The following SOBP variants were observed in gnomAD, a reference collection of about 807,000 sequenced individuals.
SOBP encodes sine oculis-binding protein homolog.
SOBP carries 4 observed loss-of-function variants against 53.6 expected under a neutral mutation model. The ratio of observed to expected loss-of-function variants is 0.07; its 90% CI spans 0.04 to 0.17. SOBP has a LOEUF of 0.17. Among genes scored for constraint, SOBP ranks in the 10% least tolerant of loss-of-function variants. SOBP has a pLI of 1.00. For missense variants in SOBP, 1,088 were observed against 1,204.7 expected (o/e 0.90, Z 1.43); for synonymous variants, 584 against 522.6 (o/e 1.12, Z -1.60).
intron 5 of SOBP, among the ~76,000 whole-genome samples, chr6:107,624,154 TG>T (rs1397521401): frequency 6.6e-6 from 1 of 152,224 alleles, no homozygotes; most frequent in African/African-American, 2.4e-5. Flanking sequence ...CAGTGGGACT[TG>T]ACTGCTGAAA....
intron 4 of SOBP, among the ~76,000 whole-genome samples, chr6:107,572,259 G>A (rs1032684355): frequency 1.3e-5 from 2 of 150,916 alleles, no homozygotes; most frequent in Non-Finnish European, 2.9e-5. Context: ...AAAAAGAAAA[G>A]CCCTAGCCTT....
chr6:107,510,549 C>T (rs1783141160), intron 3 of SOBP: 1 of 152,216 alleles, frequency 6.6e-6, no homozygotes, highest in Non-Finnish European at 1.5e-5. Flanking sequence ...TTAGTCCCAA[C>T]CTGTTTGACC....
chr6:107,619,405 C>T (rs1362466595), intron 5 of SOBP, among the ~76,000 whole-genome samples: 1 of 152,170 alleles, frequency 6.6e-6, no homozygotes, highest in African/African-American at 2.4e-5. Flanking sequence ...TTCTGCAGAT[C>T]TCCTCAGAGG....
intron 4 of SOBP, among the ~76,000 whole-genome samples, chr6:107,584,231 A>AG (rs1238014291): frequency 2.8e-5 from 4 of 144,978 alleles, no homozygotes; most frequent in Non-Finnish European, 6.0e-5. Context: ...TTAGAAAGGG[A>AG]GGGGGTCAGA....
At chr6:107,652,080 T>G (rs1038842113) in intron 6 of SOBP, among the ~76,000 whole-genome samples, 3 of 152,246 alleles carry the variant, frequency 2.0e-5, no homozygotes, top group African/African-American at 7.2e-5. Flanking sequence ...ACATTCATTC[T>G]GCAGCCCATG....
chr6:107,545,797 C>T (rs1784285031), intron 4 of SOBP, among the ~76,000 whole-genome samples: 1 of 152,014 alleles, frequency 6.6e-6, no homozygotes, highest in Admixed American at 6.6e-5. Flanking sequence ...CTGAAAGCCA[C>T]ACATAATGAC....
chr6:107,539,462 A>G lies in SOBP; in HGVS notation c.573+5852A>G, dbSNP rs535962184. 3.9e-5 allele frequency among the ~76,000 whole-genome samples: 6 copies of G among 152,324 alleles called. No individual in the cohort carries two copies. The South Asian group carries it at 1.2e-3, about 32-fold the overall frequency. On this transcript the variant is annotated intron_variant, in intron 4 of 6. Transcript: ENST00000317357. ...TGCTGGAATGTTAATTTTCAGACAT[A>G]GTACATCTCTGGCCATCCTTCTGGT...
Position 107,585,259 on chromosome 6 carries a change from C to T in SOBP, c.574-1821C>T, listed in dbSNP as rs566863230. 3.5e-4 allele frequency among the ~76,000 whole-genome samples: 54 copies of T among 152,294 alleles called. 1 individual carries two copies. Among genetic ancestry groups the T allele is most frequent in the Middle Eastern group, 3.4e-3 (1 of 294 alleles). ...AAGAAAGATGAAATTGATGTGGTCCCTGCCTTTAAGAGACCTGTACCTCAT... is the reference window on the plus strand; with the variant it reads ...AAGAAAGATGAAATTGATGTGGTCCTTGCCTTTAAGAGACCTGTACCTCAT... On this transcript the variant is annotated intron_variant, in intron 4 of 6. Coordinates refer to ENST00000317357, the MANE Select transcript of SOBP (RefSeq NM_018013.4).
chr6:107,515,828 G>A (rs951307762), intron 3 of SOBP, among the ~76,000 whole-genome samples: 1 of 152,102 alleles, frequency 6.6e-6, no homozygotes, highest in African/African-American at 2.4e-5. Context: ...GCAAACCAAA[G>A]CCAATGATAT....
In SOBP at chr6:107,661,270, G is replaced by A. The variant is rs570683831; in HGVS notation, c.*3067G>A. Among the ~76,000 whole-genome samples the A allele has an allele frequency of 6.6e-6, 1 of 152,004 alleles. No individual in the cohort carries two copies. The highest frequency in any genetic ancestry group is 1.5e-5 in the Non-Finnish European group (1 of 68,012). On this transcript the variant is annotated 3_prime_UTR_variant, in exon 7 of 7. Transcript: ENST00000317357. ...GCTGTCTGAATGCACAATTCTCTTGGGATATCAAAACCATATATAAAGAGA... is the reference window on the plus strand; with the variant it reads ...GCTGTCTGAATGCACAATTCTCTTGAGATATCAAAACCATATATAAAGAGA...
chr6:107,591,206 G>C (rs2115065252), intron 5 of SOBP, among the ~76,000 whole-genome samples: 1 of 152,276 alleles, frequency 6.6e-6, no homozygotes, highest in South Asian at 2.1e-4. Flanking sequence ...CTGAGCTTCA[G>C]ATCTTTTGTA....
chr6:107,529,474 A>C, intron 3 of SOBP: 2 of 985,382 alleles, frequency 2.0e-6, no homozygotes, highest in Non-Finnish European at 1.2e-6. Flanking sequence ...GTTGGAGGAG[A>C]TAGATGTCCC....
intron 4 of SOBP, among the ~76,000 whole-genome samples, chr6:107,539,523 C>A (rs1289222352): frequency 6.6e-6 from 1 of 152,192 alleles, no homozygotes; most frequent in Non-Finnish European, 1.5e-5. Flanking sequence ...CAAGTTTTTT[C>A]TCATCGGAAC....
In SOBP at chr6:107,556,541, C is replaced by T. The variant is rs114957413; in HGVS notation, c.573+22931C>T. 5.4e-3 allele frequency among the ~76,000 whole-genome samples: 827 copies of T among 152,294 alleles called. 2 individuals carry two copies. Among genetic ancestry groups the T allele is most frequent in the African/African-American group, 0.019 (782 of 41,562 alleles). ...CTAAATACTATTTGGAGGTATCCAA[C>T]GAGGTAATAGTGTGGTTTTCCAATG... On this transcript the variant is annotated intron_variant, in intron 4 of 6. Coordinates refer to ENST00000317357, the MANE Select transcript of SOBP (RefSeq NM_018013.4).
intron 5 of SOBP, among the ~76,000 whole-genome samples, chr6:107,613,242 CA>C (rs1272137142): frequency 6.6e-6 from 1 of 152,148 alleles, no homozygotes; most frequent in Non-Finnish European, 1.5e-5. Context: ...AGGCTGTAGC[CA>C]CTTACATCTT....
intron 5 of SOBP, among the ~76,000 whole-genome samples, chr6:107,599,779 A>G (rs941236475): frequency 3.9e-5 from 6 of 152,208 alleles, no homozygotes; most frequent in African/African-American, 1.2e-4. Context: ...AAGTTTCAGA[A>G]TATATCAATT....
chr6:107,615,949 G>A (rs1267768103), intron 5 of SOBP, among the ~76,000 whole-genome samples: 2 of 151,312 alleles, frequency 1.3e-5, no homozygotes, highest in African/African-American at 4.9e-5. Context: ...TTGAGCCCAG[G>A]AGATCAAGGC....
At chr6:107,548,521 C>T (rs1036879399) in intron 4 of SOBP, among the ~76,000 whole-genome samples, 2 of 152,106 alleles carry the variant, frequency 1.3e-5, no homozygotes, top group African/African-American at 2.4e-5. Flanking sequence ...GGATTACAGG[C>T]GTGAGCCACC....
chr6:107,499,241 T>G (rs534474069), intron 1 of SOBP, among the ~76,000 whole-genome samples: 1 of 152,292 alleles, frequency 6.6e-6, no homozygotes, highest in South Asian at 2.1e-4. Flanking sequence ...TAGTTTTGAC[T>G]TTACTAGATC....
Sources: allele counts gnomAD v4.1 joint callset (sites outside exome capture counted in the v4.1 genomes callset), GRCh38; gene constraint gnomAD v4.1.1; transcripts MANE v1.5; gene names NCBI Gene and HGNC (gene_info 2026-07-23, HGNC 2026-07-21).